Variants in L2HGDH observed in about 807,000 individuals in gnomAD.
L2HGDH encodes the protein L-2-hydroxyglutarate dehydrogenase, mitochondrial.
Under a neutral mutation model 51.5 loss-of-function variants are expected in L2HGDH, and 34 were observed. The observed-to-expected ratio is 0.66, with a 90% CI of 0.50 to 0.88. The LOEUF (loss-of-function observed/expected upper bound fraction) is 0.88, where lower values mean the gene tolerates loss of function less well. Ranked by LOEUF, L2HGDH falls within the 40% of genes least tolerant of loss-of-function variation. The probability of loss-of-function intolerance (pLI) is 0.00; values close to 1 mark genes in which losing one functional copy is unlikely to be tolerated. For synonymous variants in L2HGDH, 198 were observed against 197.9 expected (o/e 1.00, Z -0.01); for missense variants, 558 against 571.9 (o/e 0.98, Z 0.25).
At chr14:50,259,410 C>A (rs1328848033) in intron 9 of L2HGDH, among the ~76,000 whole-genome samples, 2 of 140,702 alleles carry the variant, frequency 1.4e-5, no homozygotes, top group East Asian at 4.1e-4. Flanking sequence ...ACTATGTCAC[C>A]TGGGCTGATC....
chr14:50,283,717 T>G (rs574648251), intron 5 of L2HGDH, 154 bp downstream of exon 5: 1 of 624,296 alleles, frequency 1.6e-6, no homozygotes, highest in African/African-American at 1.8e-5. Context: ...TGTTATACTA[T>G]CTTTTTTATT....
At chr14:50,286,881 A>G (rs1263058018) in intron 4 of L2HGDH, among the ~76,000 whole-genome samples, 1 of 152,216 alleles carries the variant, frequency 6.6e-6, no homozygotes, top group African/African-American at 2.4e-5. Context: ...CTATCAGAAT[A>G]CTTATCACTA....
At chr14:50,302,847 C>T in intron 2 of L2HGDH, 55 bp downstream of exon 2, 1 of 1,152,208 alleles carries the variant, frequency 8.7e-7, no homozygotes. Flanking sequence ...TCACAACAGA[C>T]AAAATGAGCA....
chr14:50,264,464 C>A (rs956788899), intron 9 of L2HGDH, among the ~76,000 whole-genome samples: 2 of 152,186 alleles, frequency 1.3e-5, no homozygotes, highest in Admixed American at 1.3e-4. Flanking sequence ...TACCACACTG[C>A]TTTCCACTTC....
intron 7 of L2HGDH, among the ~76,000 whole-genome samples, chr14:50,268,344 A>C (rs1889462554): frequency 6.8e-6 from 1 of 146,898 alleles, no homozygotes; most frequent in Admixed American, 7.2e-5. Context: ...ATGCCACTGC[A>C]CTCCAGCCTG....
chr14:50,276,333 T>C (rs562132941), intron 6 of L2HGDH, among the ~76,000 whole-genome samples: 5 of 152,366 alleles, frequency 3.3e-5, no homozygotes, highest in South Asian at 2.1e-4. Context: ...ATATTGGCTA[T>C]GGCCACATGA....
intron 6 of L2HGDH, among the ~76,000 whole-genome samples, chr14:50,274,363 T>C (rs1322555016): frequency 2.0e-5 from 3 of 150,634 alleles, no homozygotes; most frequent in Admixed American, 1.3e-4. Context: ...CCAACTGATA[T>C]ATGTAAAGGT....
intron 6 of L2HGDH, among the ~76,000 whole-genome samples, chr14:50,269,766 A>C (rs1889562086): frequency 6.6e-6 from 1 of 152,172 alleles, no homozygotes; most frequent in Non-Finnish European, 1.5e-5. Context: ...AATTTGGATT[A>C]ATTAAAAATT....
chr14:50,259,704 C>T (rs1424311072), intron 9 of L2HGDH, among the ~76,000 whole-genome samples: 2 of 151,846 alleles, frequency 1.3e-5, no homozygotes, highest in African/African-American at 4.8e-5. Context: ...CATGGTGGCA[C>T]ATGCCTGTAA....
intron 4 of L2HGDH, among the ~76,000 whole-genome samples, chr14:50,291,226 AAAC>A (rs1230673196): frequency 2.5e-5 from 3 of 122,424 alleles, no homozygotes; most frequent in African/African-American, 9.3e-5. Flanking sequence ...AAAAAAAAAC[AAAC>A]AAAAAACATT....
At chr14:50,300,367 T>C (rs1004307923) in intron 3 of L2HGDH, among the ~76,000 whole-genome samples, 3 of 152,162 alleles carry the variant, frequency 2.0e-5, no homozygotes, top group African/African-American at 7.2e-5. Flanking sequence ...TGGTCTCGCC[T>C]CACTGCAACC....
At chr14:50,260,786 A>G (rs1156909677) in intron 9 of L2HGDH, among the ~76,000 whole-genome samples, 2 of 152,144 alleles carry the variant, frequency 1.3e-5, no homozygotes, top group East Asian at 1.9e-4. Flanking sequence ...GGTTGCCACA[A>G]TTAGGAGAAT....
chr14:50,299,089 T>C (rs1019255439), intron 3 of L2HGDH, among the ~76,000 whole-genome samples: 5 of 151,724 alleles, frequency 3.3e-5, no homozygotes, highest in Admixed American at 2.6e-4. Flanking sequence ...TTAGCCAGAC[T>C]AAGAAAAAGA....
Position 50,246,706 on chromosome 14 carries a change from G to A in L2HGDH, c.*352C>T. Reference sequence around the variant, plus strand: ...CTTGGCTTCCCAAAGTGCTGGCCACGGCCCCCAGCCTAACATTTTGAAAAT... The same window carrying A: ...CTTGGCTTCCCAAAGTGCTGGCCACAGCCCCCAGCCTAACATTTTGAAAAT... On this transcript the variant is annotated 3_prime_UTR_variant, in exon 10 of 10. Transcript: ENST00000267436. The A allele has an allele frequency of 5.5e-6, 1 of 180,496 alleles. No individual in the cohort carries two copies. The highest frequency in any genetic ancestry group is 1.2e-5 in the Non-Finnish European group (1 of 85,238). The allele number at this position is 180,496 out of a possible 1,614,324, so 11.2% of individuals were successfully genotyped here.
chr14:50,309,561 T>TAA (rs11375606), intron 1 of L2HGDH, among the ~76,000 whole-genome samples: 183 of 145,598 alleles, frequency 1.3e-3, no homozygotes, highest in Middle Eastern at 6.9e-3. Context: ...GACTTCGTGT[T>TAA]AAAAAAAAAA....
chr14:50,305,568 G>T (rs115289985), intron 1 of L2HGDH, among the ~76,000 whole-genome samples: 1 of 152,132 alleles, frequency 6.6e-6, no homozygotes, highest in Admixed American at 6.5e-5. Context: ...ATAAACAGAT[G>T]TTTTATGGAT....
At chr14:50,285,646 C>T (rs1466807200) in intron 4 of L2HGDH, among the ~76,000 whole-genome samples, 1 of 152,222 alleles carries the variant, frequency 6.6e-6, no homozygotes, top group Non-Finnish European at 1.5e-5. Context: ...GGGATAAAAA[C>T]ATTCTGTAAA....
chr14:50,312,194 T>C lies in L2HGDH; in HGVS notation c.-44A>G, dbSNP rs2031275117. 2 of 1,604,528 alleles carry C rather than the reference T, an allele frequency of 1.2e-6. No individual in the cohort carries two copies. Among genetic ancestry groups the C allele is most frequent in the Admixed American group, 3.4e-5 (2 of 59,500 alleles). On this transcript the variant is annotated 5_prime_UTR_variant, in exon 1 of 10. Transcript: ENST00000267436. Reference sequence around the variant, plus strand: ...TCCCTCAGCGCTCAGAAGAAGCCACTTGACCCTCCACGGCCGAGGACCCGC... The same window carrying C: ...TCCCTCAGCGCTCAGAAGAAGCCACCTGACCCTCCACGGCCGAGGACCCGC...
intron 4 of L2HGDH, among the ~76,000 whole-genome samples, chr14:50,286,268 T>C (rs1161907139): frequency 1.3e-5 from 2 of 152,120 alleles, no homozygotes; most frequent in Non-Finnish European, 2.9e-5. Flanking sequence ...CAGTGAGGAT[T>C]TGCCCAGAGA....
Sources: gnomAD v4.1 joint callset for allele counts (sites outside exome capture counted in the v4.1 genomes callset) on GRCh38, gnomAD v4.1.1 for gene constraint, MANE v1.5 for transcripts, NCBI Gene and HGNC (gene_info 2026-07-23, HGNC 2026-07-21) for gene names.